Variants in SOX5 observed in about 807,000 individuals in gnomAD.
The protein encoded by SOX5 is transcription factor SOX-5.
In SOX5, 9 loss-of-function variants were observed where a neutral mutation model predicts 92.0. The ratio of observed to expected loss-of-function variants is 0.10; its 90% CI spans 0.06 to 0.17. SOX5 has a LOEUF of 0.17. Ranked by LOEUF, SOX5 falls within the 10% of genes least tolerant of loss-of-function variation. The pLI is 1.00. For missense variants in SOX5, 642 were observed against 944.5 expected (o/e 0.68, Z 4.20); for synonymous variants, 344 against 336.3 (o/e 1.02, Z -0.25).
intron 4 of SOX5, among the ~76,000 whole-genome samples, chr12:24,209,854 T>C (rs953636493): frequency 6.6e-6 from 1 of 150,502 alleles, no homozygotes. Flanking sequence ...CCGTCTCTAC[T>C]AAAAATACAA....
chr12:24,065,695 T>C (rs890762620), intron 4 of SOX5, among the ~76,000 whole-genome samples: 1 of 127,836 alleles, frequency 7.8e-6, no homozygotes, highest in Non-Finnish European at 1.7e-5. Flanking sequence ...GAAAAAGAAA[T>C]AATCACTAAA....
chr12:23,790,227 CATT>C (rs888632991), intron 3 of SOX5, among the ~76,000 whole-genome samples: 16 of 152,038 alleles, frequency 1.1e-4, no homozygotes, highest in African/African-American at 3.4e-4. Flanking sequence ...TGCCAGAAGA[CATT>C]ATTATTTCTC....
chr12:23,991,129 G>C (rs915742551), intron 4 of SOX5, among the ~76,000 whole-genome samples: 1 of 151,452 alleles, frequency 6.6e-6, no homozygotes, highest in Non-Finnish European at 1.5e-5. Flanking sequence ...TGAGGAGAGA[G>C]GGTCGCTTGA....
chr12:24,315,233 A>C (rs1949588168), intron 2 of SOX5, among the ~76,000 whole-genome samples: 1 of 152,170 alleles, frequency 6.6e-6, no homozygotes, highest in Non-Finnish European at 1.5e-5. Context: ...GTTACACTGC[A>C]TTTCTAGCTG....
intron 3 of SOX5, among the ~76,000 whole-genome samples, chr12:23,762,811 A>G (rs2094599878): frequency 1.3e-5 from 2 of 152,308 alleles, no homozygotes. Context: ...GCCATAATCA[A>G]TATGGTATCA....
intron 11 of SOX5, among the ~76,000 whole-genome samples, chr12:23,554,043 A>G (rs1371255925): frequency 1.3e-5 from 2 of 151,906 alleles, no homozygotes; most frequent in African/African-American, 2.4e-5. Flanking sequence ...TCAGGGTTAT[A>G]GTTCTCTTTT....
At chr12:23,866,720 G>C in intron 2 of SOX5, among the ~76,000 whole-genome samples, 1 of 152,066 alleles carries the variant, frequency 6.6e-6, no homozygotes, top group East Asian at 1.9e-4. Flanking sequence ...ATGGCCTACC[G>C]TCTACTGGTT....
At chr12:24,524,614 A>G (rs905107856) in intron 1 of SOX5, among the ~76,000 whole-genome samples, 1 of 152,176 alleles carries the variant, frequency 6.6e-6, no homozygotes, top group South Asian at 2.1e-4. Context: ...TCAAAACCAT[A>G]ATGAGATCTC....
At chr12:24,359,862 AC>A (rs1955327199) in intron 2 of SOX5, among the ~76,000 whole-genome samples, 1 of 152,230 alleles carries the variant, frequency 6.6e-6, no homozygotes, top group Non-Finnish European at 1.5e-5. Flanking sequence ...CACCACACTT[AC>A]ATCATTCCCC....
chr12:23,843,457 C>T (rs1055883522), intron 3 of SOX5, among the ~76,000 whole-genome samples: 29 of 150,624 alleles, frequency 1.9e-4, no homozygotes, highest in East Asian at 3.9e-4. Context: ...TTAATTTTTC[C>T]GTAAATCTAA....
chr12:24,432,589 AGATCACGAGGTC>A (rs1938571330), intron 1 of SOX5, among the ~76,000 whole-genome samples: 2 of 152,290 alleles, frequency 1.3e-5, no homozygotes, highest in South Asian at 4.1e-4. Flanking sequence ...CCAAGGCAGC[AGATCACGAGGTC>A]AGGAGATCGA....
At chr12:23,642,826 G>A (rs1228602568) in intron 7 of SOX5, among the ~76,000 whole-genome samples, 3 of 111,282 alleles carry the variant, frequency 2.7e-5, no homozygotes, top group Admixed American at 1.6e-4. Context: ...GGTGGCTCAC[G>A]CCTGTAATCC....
At chr12:23,572,119 A>G (rs1182809807) in intron 10 of SOX5, among the ~76,000 whole-genome samples, 1 of 152,168 alleles carries the variant, frequency 6.6e-6, no homozygotes, top group African/African-American at 2.4e-5. Context: ...ATTCTTATAG[A>G]ATACACTGTA....
intron 1 of SOX5, among the ~76,000 whole-genome samples, chr12:24,538,139 G>T (rs375657327): frequency 4.6e-5 from 7 of 152,090 alleles, no homozygotes; most frequent in Non-Finnish European, 8.8e-5. Context: ...ACACATTTTT[G>T]AATAGAAAGG....
intron 4 of SOX5, among the ~76,000 whole-genome samples, chr12:24,030,609 G>A (rs1955396616): frequency 6.6e-6 from 1 of 151,838 alleles, no homozygotes; most frequent in Admixed American, 6.6e-5. Flanking sequence ...AAACACACAG[G>A]AAAAGCTCCA....
intron 4 of SOX5, among the ~76,000 whole-genome samples, chr12:24,206,372 A>T (rs904532600): frequency 6.6e-6 from 1 of 152,178 alleles, no homozygotes; most frequent in Non-Finnish European, 1.5e-5. Context: ...GCACAGGAAA[A>T]GTGATGGCAG....
chr12:23,991,385 T>A (rs1330160296), intron 4 of SOX5, among the ~76,000 whole-genome samples: 1 of 151,664 alleles, frequency 6.6e-6, no homozygotes, highest in Non-Finnish European at 1.5e-5. Flanking sequence ...ATAGTAGTAC[T>A]AGTGAGTTCT....
chr12:24,049,693 A>T (rs762865473), intron 4 of SOX5, among the ~76,000 whole-genome samples: 1 of 131,548 alleles, frequency 7.6e-6, no homozygotes, highest in Admixed American at 8.8e-5. Context: ...GGAGAATCCC[A>T]GAAATACCAG....
intron 1 of SOX5, among the ~76,000 whole-genome samples, chr12:24,518,892 C>G (rs1950027385): frequency 6.6e-6 from 1 of 152,064 alleles, no homozygotes; most frequent in Non-Finnish European, 1.5e-5. Flanking sequence ...ATTTAGGAAA[C>G]AAAACTTCTG....
Sources: gnomAD v4.1 joint callset for allele counts (sites outside exome capture counted in the v4.1 genomes callset) on GRCh38, gnomAD v4.1.1 for gene constraint, MANE v1.5 for transcripts, NCBI Gene and HGNC (gene_info 2026-07-23, HGNC 2026-07-21) for gene names.